The following SESTD1 variants were observed in gnomAD, a reference collection of about 807,000 sequenced individuals.
SESTD1 encodes the protein SEC14 and spectrin domain containing 1.
A neutral mutation model predicts 101.7 loss-of-function variants in SESTD1; 43 were observed. That is an observed-to-expected ratio of 0.42 (90% CI 0.33 to 0.55). The LOEUF (loss-of-function observed/expected upper bound fraction) is 0.55. Ranked by LOEUF, SESTD1 falls within the 20% of genes least tolerant of loss-of-function variation. SESTD1 has a pLI of 0.07. For missense variants in SESTD1, 647 were observed against 815.1 expected (o/e 0.79, Z 2.51); for synonymous variants, 283 against 286.8 (o/e 0.99, Z 0.13).
At chr2:179,177,532 C>T (rs1250026013) in intron 3 of SESTD1, among the ~76,000 whole-genome samples, 1 of 152,156 alleles carries the variant, frequency 6.6e-6, no homozygotes, top group Non-Finnish European at 1.5e-5. Context: ...CTTCTCCCTC[C>T]AAGCATGCAC....
Position 179,109,843 on chromosome 2 carries a change from G to T in SESTD1, c.*56C>A. ...TTAAGGTGTGGTGGCTAATGCTGTA[G>T]TATGTTGACAACATGCGGGATTATG... On this transcript the variant is annotated 3_prime_UTR_variant, in exon 18 of 18. Coordinates refer to ENST00000428443, the MANE Select transcript of SESTD1 (RefSeq NM_178123.5). 6.3e-7 allele frequency: 1 copy of T among 1,598,196 alleles called. No individual in the cohort carries two copies.
chr2:179,134,875 C>T (rs1420288673), intron 9 of SESTD1, among the ~76,000 whole-genome samples: 1 of 152,114 alleles, frequency 6.6e-6, no homozygotes, highest in Non-Finnish European at 1.5e-5. Context: ...TCTGAAACAT[C>T]CACCAATTAA....
Position 179,191,905 on chromosome 2 carries a change from C to T in SESTD1, c.-25-39G>A, listed in dbSNP as rs998459230. 6.8e-6 allele frequency: 9 copies of T among 1,323,678 alleles called. No individual in the cohort carries two copies. The East Asian group carries it at 6.9e-5, about 10-fold the overall frequency. 82.0% of individuals were successfully genotyped at this position (1,323,678 alleles called of 1,614,324 possible). On this transcript the variant is annotated intron_variant, in intron 1 of 17. Transcript: ENST00000428443. ...AAGTCAAATGTCAACTACAAGACAA[C>T]AATTATTCCACGAAATATATCCTAA...
intron 1 of SESTD1, among the ~76,000 whole-genome samples, chr2:179,228,831 C>G (rs993788281): frequency 3.3e-5 from 5 of 152,174 alleles, no homozygotes; most frequent in Admixed American, 6.6e-5. Flanking sequence ...AAACTCCATT[C>G]TAGTGGAGAT....
chr2:179,109,700 G>T lies in SESTD1; in HGVS notation c.*199C>A. 1.7e-6 allele frequency: 1 copy of T among 590,688 alleles called. No individual in the cohort carries two copies. Among genetic ancestry groups the T allele is most frequent in the Non-Finnish European group, 2.8e-6 (1 of 355,432 alleles). 36.6% of individuals were successfully genotyped at this position (590,688 alleles called of 1,614,324 possible). A position where few individuals can be genotyped will look rare whatever the true frequency, so the allele number is the denominator to read the frequency against. ...ATAGTTCCTTCTTTTAAGATACTTG[G>T]AATCTACAGCCTCGAAGCATGTTAA... On this transcript the variant is annotated 3_prime_UTR_variant, in exon 18 of 18. Transcript: ENST00000428443.
At chr2:179,261,289 C>T (rs1019734100) in intron 1 of SESTD1, among the ~76,000 whole-genome samples, 2 of 149,012 alleles carry the variant, frequency 1.3e-5, no homozygotes, top group African/African-American at 4.9e-5. Flanking sequence ...TTTTATTTTT[C>T]CCTCACTTTG....
chr2:179,225,721 T>C (rs2105531767), intron 1 of SESTD1, among the ~76,000 whole-genome samples: 1 of 152,310 alleles, frequency 6.6e-6, no homozygotes, highest in Non-Finnish European at 1.5e-5. Context: ...GTGCAAATAC[T>C]GTGTCTTCAT....
At chr2:179,194,043 C>T (rs1361690999) in intron 1 of SESTD1, among the ~76,000 whole-genome samples, 1 of 152,192 alleles carries the variant, frequency 6.6e-6, no homozygotes, top group Admixed American at 6.5e-5. Context: ...TTCTCTGGCC[C>T]CACTGGCTCT....
intron 1 of SESTD1, among the ~76,000 whole-genome samples, chr2:179,243,936 A>AT (rs1553532590): frequency 7.0e-6 from 1 of 143,768 alleles, no homozygotes; most frequent in African/African-American, 2.7e-5. Flanking sequence ...ATATATATAT[A>AT]TGTGTGTGTA....
intron 1 of SESTD1, among the ~76,000 whole-genome samples, chr2:179,192,668 C>A (rs1242141427): frequency 6.6e-6 from 1 of 152,162 alleles, no homozygotes; most frequent in Non-Finnish European, 1.5e-5. Flanking sequence ...AGATAGTTTC[C>A]CTTAAATGGA....
At chr2:179,194,537 A>G (rs2046362282) in intron 1 of SESTD1, among the ~76,000 whole-genome samples, 1 of 152,098 alleles carries the variant, frequency 6.6e-6, no homozygotes, top group South Asian at 2.1e-4. Flanking sequence ...ATGAGGAAAA[A>G]TCCCACATAT....
chr2:179,190,968 C>T (rs1457450741), intron 2 of SESTD1, among the ~76,000 whole-genome samples: 27 of 152,136 alleles, frequency 1.8e-4, no homozygotes, highest in Admixed American at 1.8e-3. Flanking sequence ...AGTTTGGAGA[C>T]TTCTCAGAGA....
chr2:179,171,093 T>C (rs1442345747), intron 5 of SESTD1, among the ~76,000 whole-genome samples: 2 of 152,290 alleles, frequency 1.3e-5, no homozygotes, highest in Admixed American at 6.5e-5. Flanking sequence ...AAGTTAACTA[T>C]AGGAGCATAT....
chr2:179,136,964 A>G (rs528811546), intron 9 of SESTD1, among the ~76,000 whole-genome samples: 1 of 152,324 alleles, frequency 6.6e-6, no homozygotes, highest in African/African-American at 2.4e-5. Context: ...AGTAATGTAG[A>G]CACAGTAAAT....
At chr2:179,155,615 C>CAA (rs113359097) in intron 5 of SESTD1, among the ~76,000 whole-genome samples, 10 of 142,642 alleles carry the variant, frequency 7.0e-5, no homozygotes, top group African/African-American at 2.6e-4. Flanking sequence ...GATTCTGTCT[C>CAA]AAAAAAAAAA....
rs79801138 is a variant in SESTD1, at chr2:179,258,136, T to C, written c.-26+6363A>G. On this transcript the variant is annotated intron_variant, in intron 1 of 17. Transcript: ENST00000428443. ...AGAACCATGTTTTCTAATTCTTATA[T>C]ATAGCTCCAAAGTATTTTGTATTCT... Among the ~76,000 whole-genome samples the C allele has an allele frequency of 5.9e-5, 9 of 152,370 alleles. No individual in the cohort carries two copies. The East Asian group carries it at 1.7e-3, about 29-fold the overall frequency.
chr2:179,249,037 G>A (rs2047274127), intron 1 of SESTD1, among the ~76,000 whole-genome samples: 3 of 148,484 alleles, frequency 2.0e-5, no homozygotes, highest in Admixed American at 6.8e-5. Flanking sequence ...GCTGCACTGA[G>A]CCATGATCGC....
intron 1 of SESTD1, among the ~76,000 whole-genome samples, chr2:179,221,223 T>C (rs2046809921): frequency 1.3e-5 from 2 of 152,062 alleles, no homozygotes; most frequent in African/African-American, 2.4e-5. Context: ...AAATGGAATA[T>C]TGCTTTAAAA....
chr2:179,123,232 C>T (rs189892546), intron 12 of SESTD1, among the ~76,000 whole-genome samples: 29 of 152,218 alleles, frequency 1.9e-4, no homozygotes, highest in African/African-American at 6.0e-4. Flanking sequence ...TGTAAATGTA[C>T]CCCACTCCTT....
Sources: gnomAD v4.1 joint callset for allele counts (sites outside exome capture counted in the v4.1 genomes callset) on GRCh38, gnomAD v4.1.1 for gene constraint, MANE v1.5 for transcripts, NCBI Gene and HGNC (gene_info 2026-07-23, HGNC 2026-07-21) for gene names.